Variants in ERC1 observed in about 807,000 individuals in gnomAD.
The protein encoded by ERC1 is ELKS/RAB6-interacting/CAST family member 1.
ERC1 carries 56 observed loss-of-function variants against 132.0 expected under a neutral mutation model. That is an observed-to-expected ratio of 0.42 (90% CI 0.34 to 0.53). The LOEUF (loss-of-function observed/expected upper bound fraction) is 0.53. Ranked by LOEUF, ERC1 falls within the 20% of genes least tolerant of loss-of-function variation. The pLI is 0.03. For missense variants in ERC1, 1,202 were observed against 1,349.9 expected (o/e 0.89, Z 1.72); for synonymous variants, 478 against 476.1 (o/e 1.00, Z -0.05).
intron 15 of ERC1, among the ~76,000 whole-genome samples, chr12:1,365,528 A>G (rs914852763): frequency 6.6e-6 from 1 of 152,214 alleles, no homozygotes; most frequent in Non-Finnish European, 1.5e-5. Flanking sequence ...TAAAACAGAC[A>G]AAGATCCTGT....
chr12:1,249,866 G>C (rs1229961181), intron 13 of ERC1, among the ~76,000 whole-genome samples: 1 of 152,196 alleles, frequency 6.6e-6, no homozygotes, highest in Non-Finnish European at 1.5e-5. Flanking sequence ...GTCCTCACAT[G>C]GTGGAAGGGG....
In ERC1 at chr12:1,494,884, A is replaced by G; in HGVS notation, c.*4654A>G. The G allele has an allele frequency of 4.3e-6, 1 of 230,426 alleles. No homozygotes were observed. The highest frequency in any genetic ancestry group is 8.6e-6 in the Non-Finnish European group (1 of 116,460). 14.3% of individuals were successfully genotyped at this position (230,426 alleles called of 1,614,324 possible). On this transcript the variant is annotated 3_prime_UTR_variant, in exon 19 of 19. Transcript: ENST00000360905. ...GGAATTCAAGCTATGGGGCAGCCAC[A>G]CTCCCCTCCTCCCAGGCTGGCATAG...
chr12:1,107,961 C>G (rs1213001423), intron 4 of ERC1, among the ~76,000 whole-genome samples: 1 of 152,042 alleles, frequency 6.6e-6, no homozygotes, highest in African/African-American at 2.4e-5. Flanking sequence ...AGGGCTGGGG[C>G]TGGGGAAGTA....
At chr12:1,483,838 T>C (rs1194640456) in intron 18 of ERC1, among the ~76,000 whole-genome samples, 2 of 151,754 alleles carry the variant, frequency 1.3e-5, no homozygotes, top group Non-Finnish European at 2.9e-5. Context: ...CTACAGGCAC[T>C]CACCACCACA....
chr12:1,459,934 A>G (rs2093613204), intron 18 of ERC1, among the ~76,000 whole-genome samples: 1 of 152,250 alleles, frequency 6.6e-6, no homozygotes, highest in African/African-American at 2.4e-5. Context: ...ATAGAGATAC[A>G]GATAACGATA....
intron 7 of ERC1, among the ~76,000 whole-genome samples, chr12:1,117,094 TA>T (rs1163383539): frequency 6.6e-6 from 1 of 152,230 alleles, no homozygotes; most frequent in African/African-American, 2.4e-5. Flanking sequence ...AAATATTTTT[TA>T]AAGGTTGCAG....
intron 2 of ERC1, among the ~76,000 whole-genome samples, chr12:1,045,013 T>G (rs1301133976): frequency 6.6e-6 from 1 of 152,168 alleles, no homozygotes; most frequent in African/African-American, 2.4e-5. Context: ...CCTTGTTGGT[T>G]AGTTGGGCCC....
intron 12 of ERC1, among the ~76,000 whole-genome samples, chr12:1,219,527 A>G (rs1958760189): frequency 6.6e-6 from 1 of 152,058 alleles, no homozygotes; most frequent in South Asian, 2.1e-4. Flanking sequence ...GATTCTCTCT[A>G]TGAACCATTA....
intron 8 of ERC1, among the ~76,000 whole-genome samples, chr12:1,160,594 C>T (rs1238776329): frequency 6.6e-6 from 1 of 152,014 alleles, no homozygotes; most frequent in African/African-American, 2.4e-5. Context: ...ACCTGTAATC[C>T]CAGCTACTGG....
At chr12:1,067,088 G>A (rs760776916) in intron 2 of ERC1, among the ~76,000 whole-genome samples, 4 of 152,126 alleles carry the variant, frequency 2.6e-5, no homozygotes, top group Non-Finnish European at 5.9e-5. Context: ...AATTACAGGT[G>A]TGAGCCTCTG....
chr12:1,037,719 T>G (rs2154156429), intron 2 of ERC1, among the ~76,000 whole-genome samples: 1 of 152,210 alleles, frequency 6.6e-6, no homozygotes, highest in South Asian at 2.1e-4. Flanking sequence ...AGGTTTTAAA[T>G]TTTGGCTGCA....
chr12:1,025,746 A>T (rs1181276246), intron 1 of ERC1, among the ~76,000 whole-genome samples: 1 of 150,826 alleles, frequency 6.6e-6, no homozygotes, highest in Non-Finnish European at 1.5e-5. Context: ...GTCTGTTCTC[A>T]TGTTGCTAAT....
At chr12:1,281,330 G>GC (rs941172492) in intron 14 of ERC1, among the ~76,000 whole-genome samples, 10 of 150,896 alleles carry the variant, frequency 6.6e-5, no homozygotes, top group African/African-American at 2.2e-4. Flanking sequence ...CCCTAGCAAA[G>GC]CAAAAAAAAA....
At chr12:1,286,506 T>C (rs1267493288) in intron 14 of ERC1, among the ~76,000 whole-genome samples, 1 of 152,100 alleles carries the variant, frequency 6.6e-6, no homozygotes, top group African/African-American at 2.4e-5. Flanking sequence ...ATAAAACTTA[T>C]AAAGGATTCT....
At position 1,110,484 on chromosome 12, in the gene ERC1, C is replaced by G. The variant is rs565442275; in HGVS notation, c.1317+137C>G. 35 of 662,676 alleles carry G rather than the reference C, an allele frequency of 5.3e-5. No homozygotes were observed. The East Asian group carries it at 5.9e-4, about 11-fold the overall frequency. The allele number at this position is 662,676 out of a possible 1,614,324, so 41.0% of individuals were successfully genotyped here. A position where few individuals can be genotyped will look rare whatever the true frequency, so the allele number is the denominator to read the frequency against. The stretch of plus-strand genomic sequence containing the variant: ...AGGGAAGAATACTTTTAGCATAGTT[C>G]TTTCAAATGAAACTTCTCCAGAATT... On this transcript the variant is annotated intron_variant, in intron 5 of 18. Transcript: ENST00000360905.
Position 1,188,001 on chromosome 12 carries a change from G to A in ERC1, c.2158-1858G>A, listed in dbSNP as rs998114380. Among the ~76,000 whole-genome samples the A allele has an allele frequency of 3.3e-5, 5 of 152,262 alleles. No homozygotes were observed. In the East Asian group the frequency reaches 7.7e-4, roughly 24 times the overall value. On this transcript the variant is annotated intron_variant, in intron 11 of 18. Coordinates refer to ENST00000360905, the MANE Select transcript of ERC1 (RefSeq NM_178040.4). ...GACCTCAAAGTAAGGACTCACCAGC[G>A]TGTATGAAGGCCCAGAATGCTGATA...
intron 1 of ERC1, among the ~76,000 whole-genome samples, chr12:1,013,396 A>G (rs1965010047): frequency 6.6e-6 from 1 of 152,144 alleles, no homozygotes; most frequent in Admixed American, 6.6e-5. Context: ...GAATTATTAA[A>G]AACTGCAGTT....
At chr12:1,334,059 C>T (rs1336951512) in intron 15 of ERC1, among the ~76,000 whole-genome samples, 3 of 152,026 alleles carry the variant, frequency 2.0e-5, no homozygotes, top group Non-Finnish European at 4.4e-5. Context: ...TTTTGAAAAG[C>T]GTCTGTTTAT....
chr12:1,354,454 CAG>C (rs1374841858), intron 15 of ERC1, among the ~76,000 whole-genome samples: 1 of 151,642 alleles, frequency 6.6e-6, no homozygotes, highest in Non-Finnish European at 1.5e-5. Flanking sequence ...ACCTGGGAGG[CAG>C]GGGTTTCAGT....
Sources: gnomAD v4.1 joint callset for allele counts (sites outside exome capture counted in the v4.1 genomes callset) on GRCh38, gnomAD v4.1.1 for gene constraint, MANE v1.5 for transcripts, NCBI Gene and HGNC (gene_info 2026-07-23, HGNC 2026-07-21) for gene names.